The following ADGRD1 variants were observed in gnomAD, a reference collection of about 807,000 sequenced individuals.
ADGRD1 encodes the protein adhesion G protein-coupled receptor D1.
ADGRD1 carries 77 observed loss-of-function variants against 113.4 expected under a neutral mutation model. The ratio of observed to expected loss-of-function variants is 0.68; its 90% CI spans 0.57 to 0.82. The LOEUF (loss-of-function observed/expected upper bound fraction) is 0.82, where lower values mean the gene tolerates loss of function less well. ADGRD1 is among the 40% of genes least tolerant of loss of function. ADGRD1 has a pLI of 0.00. For missense variants in ADGRD1, 1,036 were observed against 1,139.1 expected (o/e 0.91, Z 1.30); for synonymous variants, 474 against 475.0 (o/e 1.00, Z 0.03).
At chr12:131,134,595 T>C (rs1042774695) in intron 21 of ADGRD1, among the ~76,000 whole-genome samples, 2 of 152,262 alleles carry the variant, frequency 1.3e-5, no homozygotes, top group Non-Finnish European at 2.9e-5. Context: ...ATTAGCATTA[T>C]GAGAACAAGC....
chr12:131,120,519 C>T (rs960787017), intron 19 of ADGRD1, among the ~76,000 whole-genome samples: 1 of 152,106 alleles, frequency 6.6e-6, no homozygotes, highest in African/African-American at 2.4e-5. Flanking sequence ...ACAGAAGGCC[C>T]CTATTGGGTC....
At chr12:131,063,353 G>A (rs189732485) in intron 13 of ADGRD1, among the ~76,000 whole-genome samples, 3 of 152,192 alleles carry the variant, frequency 2.0e-5, no homozygotes, top group Admixed American at 1.3e-4. Flanking sequence ...CATATTTTTG[G>A]TGTCATCACT....
rs1950197714 is a variant in ADGRD1, at chr12:131,104,954, C to T, written c.1775+20C>T. ...GCTGTCGTGAGTCCCCTTTTCTAAT[C>T]CACCCAACAGTCTCTCGGCCCCTGC... On this transcript the variant is annotated intron_variant, in intron 16 of 24. Transcript: ENST00000261654. The T allele has an allele frequency of 1.3e-6, 2 of 1,496,768 alleles. No homozygotes were observed. The highest frequency in any genetic ancestry group is 1.8e-6 in the Non-Finnish European group (2 of 1,100,138). 92.7% of individuals were successfully genotyped at this position (1,496,768 alleles called of 1,614,324 possible). A position where few individuals can be genotyped will look rare whatever the true frequency, so the allele number is the denominator to read the frequency against.
In ADGRD1 at chr12:130,982,082, C is replaced by A; in HGVS notation, c.490+19C>A. 1 of 1,606,252 alleles carries A rather than the reference C, an allele frequency of 6.2e-7. No homozygotes were observed. The highest frequency in any genetic ancestry group is 1.1e-5 in the South Asian group (1 of 90,494). On this transcript the variant is annotated intron_variant, in intron 5 of 24. Coordinates refer to ENST00000261654, the MANE Select transcript of ADGRD1 (RefSeq NM_198827.5). ...CCCCCAGGTGAGTGACAGCATCGGT[C>A]CCGGGAGGCTCTGCCTGGAGGAGTG...
In ADGRD1 at chr12:131,050,212, G is replaced by A. The variant is rs373779323; in HGVS notation, c.1474-26589G>A. Among the ~76,000 whole-genome samples, 46 of 106,626 alleles carry A rather than the reference G, an allele frequency of 4.3e-4. No homozygotes were observed. The highest frequency in any genetic ancestry group is 1.0e-3 in the African/African-American group (41 of 39,226). 70.0% of individuals were successfully genotyped at this position (106,626 alleles called of 152,430 possible). A position where few individuals can be genotyped will look rare whatever the true frequency, so the allele number is the denominator to read the frequency against. ...CCTGTCTCAAGTTGAAATCACCATC[G>A]TCATCGTCATCATCATCATCATCAT... is the stretch of plus-strand genomic sequence containing the variant. On this transcript the variant is annotated intron_variant, in intron 13 of 24. Transcript: ENST00000261654. The surrounding 1 kb of genome is among the most constrained non-coding windows in gnomAD (Gnocchi z 4.8).
At chr12:131,039,027 T>C (rs1881836219) in intron 13 of ADGRD1, among the ~76,000 whole-genome samples, 1 of 152,140 alleles carries the variant, frequency 6.6e-6, no homozygotes, top group Non-Finnish European at 1.5e-5. Context: ...CAGGCCAAGC[T>C]CAGAGGGAAC....
intron 13 of ADGRD1, among the ~76,000 whole-genome samples, chr12:131,051,074 C>T (rs907343685): frequency 7.2e-5 from 11 of 152,194 alleles, no homozygotes; most frequent in Admixed American, 2.6e-4. Flanking sequence ...CAGCAGGCCC[C>T]GCCTGCAACA....
intron 14 of ADGRD1, among the ~76,000 whole-genome samples, chr12:131,077,879 G>C (rs1014169724): frequency 3.9e-5 from 6 of 152,194 alleles, no homozygotes; most frequent in African/African-American, 1.4e-4. Flanking sequence ...AAAGTCCTGG[G>C]ACTACAGGTG....
intron 13 of ADGRD1, among the ~76,000 whole-genome samples, chr12:131,044,690 C>A (rs186688026): frequency 3.3e-5 from 5 of 152,198 alleles, no homozygotes; most frequent in Non-Finnish European, 7.3e-5. Flanking sequence ...CAGATTTCCC[C>A]TCGTGTTTAG....
At chr12:131,087,438 T>C (rs1443732438) in intron 15 of ADGRD1, among the ~76,000 whole-genome samples, 2 of 152,132 alleles carry the variant, frequency 1.3e-5, no homozygotes, top group Non-Finnish European at 2.9e-5. Flanking sequence ...CTCAGTAGCT[T>C]CCATGCCGCA....
intron 12 of ADGRD1, among the ~76,000 whole-genome samples, chr12:131,009,963 G>T (rs955072570): frequency 2.0e-5 from 3 of 152,242 alleles, no homozygotes; most frequent in Non-Finnish European, 2.9e-5. Context: ...GTGCAAAGCT[G>T]CGGGGGCTCC....
intron 11 of ADGRD1, among the ~76,000 whole-genome samples, chr12:131,005,634 T>C (rs1876987506): frequency 6.6e-6 from 1 of 151,966 alleles, no homozygotes; most frequent in African/African-American, 2.4e-5. Context: ...CTGCAGGGGC[T>C]CTGAGACTGT....
At chr12:131,092,286 T>G (rs1886961676) in intron 15 of ADGRD1, among the ~76,000 whole-genome samples, 1 of 152,102 alleles carries the variant, frequency 6.6e-6, no homozygotes, top group Non-Finnish European at 1.5e-5. Flanking sequence ...CCAATGAAGG[T>G]GCTGGGCATG....
rs1422296691 is a variant in ADGRD1 at position 131,004,271 on chromosome 12, C to T, written c.1230C>T (p.Ile410=). The change falls in exon 11 of 25, where the codon ATC becomes ATT. Residue 410 remains isoleucine (I), a synonymous_variant. Transcript: ENST00000261654. ...CCCACGGGCAGAGCTTCATCCAGAT[C>T]CCCCACGAGGCCTTCCACAGGCACG... ...FPAHGQSFIQ[I]PHEAFHRHAW... 11 of 1,613,086 alleles carry T rather than the reference C, an allele frequency of 6.8e-6. No individual in the cohort carries two copies. Among genetic ancestry groups the T allele is most frequent in the African/African-American group, 1.3e-5 (1 of 74,872 alleles).
Position 131,057,506 on chromosome 12 carries a change from G to A in ADGRD1, c.1474-19295G>A, listed in dbSNP as rs559935907. Among the ~76,000 whole-genome samples the A allele has an allele frequency of 2.9e-4, 44 of 152,232 alleles. No homozygotes were observed. Among genetic ancestry groups the A allele is most frequent in the African/African-American group, 8.9e-4 (37 of 41,534 alleles). ...ACAAAGGCGTTGGCAGAGCTAGTTC[G>A]TTCTGGAGGCTCAGCGGGAACGTCC... On this transcript the variant is annotated intron_variant, in intron 13 of 24. Coordinates refer to ENST00000261654, the MANE Select transcript of ADGRD1 (RefSeq NM_198827.5). This position sits in a 1 kb window ranked among gnomAD's most constrained non-coding sequence, Gnocchi z 4.2.
At chr12:131,132,557 G>T (rs967962944) in intron 21 of ADGRD1, among the ~76,000 whole-genome samples, 19 of 152,224 alleles carry the variant, frequency 1.2e-4, no homozygotes, top group Admixed American at 6.5e-5. Context: ...CGCATCCTTA[G>T]TGTTGGCTTC....
At chr12:131,058,609 C>G (rs1884071879) in intron 13 of ADGRD1, among the ~76,000 whole-genome samples, 2 of 152,130 alleles carry the variant, frequency 1.3e-5, no homozygotes, top group African/African-American at 4.8e-5. Context: ...CTTGTTTCTT[C>G]TTCATCCCTC....
In ADGRD1 at chr12:131,057,513, A is replaced by C. The variant is rs1486843815; in HGVS notation, c.1474-19288A>C. The stretch of plus-strand genomic sequence containing the variant: ...CGTTGGCAGAGCTAGTTCGTTCTGG[A>C]GGCTCAGCGGGAACGTCCACCCCTG... On this transcript the variant is annotated intron_variant, in intron 13 of 24. Coordinates refer to ENST00000261654, the MANE Select transcript of ADGRD1 (RefSeq NM_198827.5). This position sits in a 1 kb window ranked among gnomAD's most constrained non-coding sequence, Gnocchi z 4.2. Among the ~76,000 whole-genome samples the C allele has an allele frequency of 1.3e-5, 2 of 152,050 alleles. No homozygotes were observed. Among genetic ancestry groups the C allele is most frequent in the Admixed American group, 6.6e-5 (1 of 15,262 alleles).
chr12:131,120,966 A>G, intron 20 of ADGRD1, 53 bp downstream of exon 20: 1 of 1,541,454 alleles, frequency 6.5e-7, no homozygotes. Flanking sequence ...GGGCAGGAGG[A>G]GAGGGTGTGG....
Sources: gnomAD v4.1 joint callset for allele counts (sites outside exome capture counted in the v4.1 genomes callset) on GRCh38, gnomAD v4.1.1 for gene constraint, Gnocchi (gnomAD v3.1) non-coding constraint, MANE v1.5 for transcripts, NCBI Gene and HGNC (gene_info 2026-07-23, HGNC 2026-07-21) for gene names.